The following BRCA1 variants were observed in gnomAD, a reference collection of about 807,000 sequenced individuals.
The protein encoded by BRCA1 is BRCA1 DNA repair associated.
In BRCA1, 140 loss-of-function variants were observed where a neutral mutation model predicts 173.7. That is an observed-to-expected ratio of 0.81 (90% CI 0.70 to 0.93). The LOEUF is 0.93. Among genes scored for constraint, BRCA1 ranks in the 40% least tolerant of loss-of-function variants. The pLI, the probability that BRCA1 is intolerant of heterozygous loss-of-function variation, is 0.00. For synonymous variants in BRCA1, 662 were observed against 756.0 expected (o/e 0.88, Z 2.04); for missense variants, 1,983 against 2,172.5 (o/e 0.91, Z 1.73).
intron 1 of BRCA1, among the ~76,000 whole-genome samples, chr17:43,133,995 T>G (rs2055994457): frequency 6.6e-6 from 1 of 152,192 alleles, no homozygotes; most frequent in Non-Finnish European, 1.5e-5. Flanking sequence ...GAGCTCAGCC[T>G]GTATTTCTAT....
intron 9 of BRCA1, among the ~76,000 whole-genome samples, chr17:43,095,119 C>A (rs377114453): frequency 6.6e-6 from 1 of 151,942 alleles, no homozygotes; most frequent in African/African-American, 2.4e-5. Context: ...ATTTCTCTAA[C>A]GTCTAAGAGT....
At chr17:43,065,275 A>G (rs2052015430) in intron 16 of BRCA1, among the ~76,000 whole-genome samples, 2 of 152,158 alleles carry the variant, frequency 1.3e-5, no homozygotes, top group Non-Finnish European at 2.9e-5. Context: ...CCTGTGGTAT[A>G]ATTTTCATGA....
chr17:43,159,004 G>A (rs1226778041), intron 1 of BRCA1, among the ~76,000 whole-genome samples: 3 of 152,200 alleles, frequency 2.0e-5, no homozygotes, highest in Non-Finnish European at 4.4e-5. Context: ...GAGAGGCCAA[G>A]GTGGGTAGAT....
intron 1 of BRCA1, among the ~76,000 whole-genome samples, chr17:43,136,128 A>G (rs1293340261): frequency 6.6e-6 from 1 of 152,246 alleles, no homozygotes; most frequent in African/African-American, 2.4e-5. Flanking sequence ...CCCGTCTCTA[A>G]CAAAGACAAT....
intron 2 of BRCA1, chr17:43,119,290 AAAAGGAT>A (rs2055439692): frequency 4.6e-6 from 1 of 216,356 alleles, no homozygotes; most frequent in Non-Finnish European, 9.3e-6. Flanking sequence ...AAAAAAAAAG[AAAAGGAT>A]CACAAGAAAA....
chr17:43,169,919 G>T, intron 1 of BRCA1: 1 of 438,124 alleles, frequency 2.3e-6, no homozygotes, highest in South Asian at 1.8e-5. Context: ...CAATGTTGAC[G>T]TTGGCCAGGA....
chr17:43,057,188 C>A (rs1777819825), intron 18 of BRCA1, 53 bp from the exon 19 acceptor site: 2 of 1,555,602 alleles, frequency 1.3e-6, no homozygotes, highest in South Asian at 2.2e-5. Flanking sequence ...AAGCTTCCTT[C>A]AATGGAAGTG....
At chr17:43,095,454 C>T (rs536272925) in intron 9 of BRCA1, among the ~76,000 whole-genome samples, 384 of 151,950 alleles carry the variant, frequency 2.5e-3, no homozygotes, top group Non-Finnish European at 4.7e-3. Context: ...TGGTGGCATG[C>T]GCCTGTAGTC....
At chr17:43,074,807 G>T (rs1465351175) in intron 13 of BRCA1, among the ~76,000 whole-genome samples, 1 of 152,068 alleles carries the variant, frequency 6.6e-6, no homozygotes, top group East Asian at 1.9e-4. Flanking sequence ...TGTAATCTCA[G>T]CTACTCGGGA....
rs755416208 is a variant in BRCA1, at chr17:43,091,375, A to G, written c.4096+60T>C. The G allele has an allele frequency of 1.9e-6, 3 of 1,598,246 alleles. No individual in the cohort carries two copies. The South Asian group carries it at 3.3e-5, about 18-fold the overall frequency. On this transcript the variant is annotated intron_variant, in intron 10 of 22. Transcript: ENST00000357654. ...TGTAAAATGTGCTCCCCAAAAGCAT[A>G]AACATTTAGCTCACTTCTATAAATA... is the stretch of plus-strand genomic sequence containing the variant.
intron 6 of BRCA1, among the ~76,000 whole-genome samples, chr17:43,103,466 C>CAAAA (rs900598227): frequency 1.1e-4 from 7 of 64,666 alleles, no homozygotes; most frequent in Non-Finnish European, 2.0e-4. Context: ...GACTCTGTCT[C>CAAAA]AAAAAAAAAA....
chr17:43,102,374 T>C (rs1378740086), intron 6 of BRCA1, among the ~76,000 whole-genome samples: 1 of 146,970 alleles, frequency 6.8e-6, no homozygotes, highest in Non-Finnish European at 1.5e-5. Context: ...TTTTTTTTTT[T>C]TGAGACGGAG....
chr17:43,071,068 C>T lies in BRCA1; in HGVS notation c.4846G>A (p.Ala1616Thr), dbSNP rs890599236. ...CCAGCAGTATCAGTAGTATGAGCAG[C>T]AGCTGGACTCTGGGCAGATTCTGCA... ...KVAESAQSPA[A>T]AHTTDTAGYN... The change falls in exon 15 of 23, where the codon GCT (alanine) becomes ACT (threonine). Residue 1616 changes from alanine (A) to threonine (T), a missense_variant. Physicochemically the swap from Ala to Thr is moderately conservative, Grantham distance 58. Transcript: ENST00000357654. The T allele has an allele frequency of 2.5e-6, 4 of 1,614,066 alleles. No individual in the cohort carries two copies. The African/African-American group carries it at 5.3e-5, about 22-fold the overall frequency.
At chr17:43,070,646 G>T (rs1349504759) in intron 15 of BRCA1, among the ~76,000 whole-genome samples, 6 of 152,090 alleles carry the variant, frequency 3.9e-5, no homozygotes, top group African/African-American at 7.2e-5. Context: ...CAGATAGAAA[G>T]GAAAATTCCA....
At chr17:43,110,587 C>CAAA (rs201518255) in intron 3 of BRCA1, 124 of 271,674 alleles carry the variant, frequency 4.6e-4, no homozygotes, top group South Asian at 6.8e-4. Context: ...GACCCTGTCT[C>CAAA]AAAAAAAAAA....
intron 22 of BRCA1, 65 bp from the exon 23 acceptor site, chr17:43,045,867 A>G (rs1466646808): frequency 3.1e-6 from 5 of 1,596,006 alleles, no homozygotes; most frequent in South Asian, 1.1e-5. Flanking sequence ...GCTCTAATCA[A>G]TCGACTCCAG....
intron 18 of BRCA1, 59 bp downstream of exon 18, chr17:43,063,274 A>G: frequency 7.1e-7 from 1 of 1,417,728 alleles, no homozygotes; most frequent in Non-Finnish European, 1.0e-6. Flanking sequence ...AAGCAAATAC[A>G]TTTTTAACTA....
rs2154449126 is a variant in BRCA1 at position 43,094,142 on chromosome 17, T to C, written c.1389A>G (p.Lys463=). Reference sequence around the variant, plus strand: ...GGAGGCTTGCCTTCTTCCGATAGGTTTTCCCAAATATTTTGTCTTCAATAT... The same window carrying C: ...GGAGGCTTGCCTTCTTCCGATAGGTCTTCCCAAATATTTTGTCTTCAATAT... ...ESNIEDKIFG[K]TYRKKASLPN... is the part of the protein sequence containing the mutation. The change falls in exon 10 of 23, where the codon AAA becomes AAG. Residue 463 remains lysine (K), a synonymous_variant. Transcript: ENST00000357654. 1 of 1,614,056 alleles carries C rather than the reference T, an allele frequency of 6.2e-7. No homozygotes were observed. The highest frequency in any genetic ancestry group is 8.5e-7 in the Non-Finnish European group (1 of 1,180,002).
Position 43,092,968 on chromosome 17 carries a change from G to A in BRCA1, c.2563C>T (p.Gln855Ter), listed in dbSNP as rs80357131. The A allele has an allele frequency of 6.2e-7, 1 of 1,613,458 alleles. No individual in the cohort carries two copies. The highest frequency in any genetic ancestry group is 8.5e-7 in the Non-Finnish European group (1 of 1,179,632). The change falls in exon 10 of 23, where the codon CAG becomes TAG. Residue 855 changes from glutamine (Q) to a stop codon, truncating the protein, a stop_gained. Coordinates refer to ENST00000357654, the MANE Select transcript of BRCA1 (RefSeq NM_007294.4). LOFTEE classifies it high-confidence loss of function. ...ACCTTGAATGTATTCTGCAAATACT[G>A]AGCATCAAGTTCACTTTCTTCCATT... The part of the protein sequence containing the change: ...IEMEESELDA[Q>*]YLQNTFKVSK...
Sources: gnomAD v4.1 joint callset for allele counts (sites outside exome capture counted in the v4.1 genomes callset) on GRCh38, gnomAD v4.1.1 for gene constraint, MANE v1.5 for transcripts, NCBI Gene and HGNC (gene_info 2026-07-23, HGNC 2026-07-21) for gene names.